The following PSMD6 variants were observed in gnomAD, a reference collection of about 807,000 sequenced individuals.
The protein encoded by PSMD6 is 26S proteasome non-ATPase regulatory subunit 6.
A neutral mutation model predicts 44.9 loss-of-function variants in PSMD6; 7 were observed. That is an observed-to-expected ratio of 0.16 (90% CI 0.09 to 0.29). PSMD6 has a LOEUF of 0.29. Ranked by LOEUF, PSMD6 falls within the 10% of genes least tolerant of loss-of-function variation. The pLI, the probability that PSMD6 is intolerant of heterozygous loss-of-function variation, is 1.00. For missense variants in PSMD6, 420 were observed against 482.6 expected, an observed-to-expected ratio of 0.87 and a Z score of 1.21; for synonymous variants, 184 against 172.7, an observed-to-expected ratio of 1.07 and a Z score of -0.51.
chr3:64,013,628 A>AATT, intron 5 of PSMD6, 21 bp from the exon 6 acceptor site: 2 of 1,594,370 alleles, frequency 1.3e-6, no homozygotes, highest in African/African-American at 2.7e-5. Context: ...TAAAATGACA[A>AATT]ATTATAATAG....
chr3:64,020,109 G>C (rs914397738), intron 2 of PSMD6, among the ~76,000 whole-genome samples: 11 of 152,140 alleles, frequency 7.2e-5, no homozygotes, highest in Non-Finnish European at 1.3e-4. Context: ...ACGTTTATTA[G>C]AGTGAAAATA....
Position 64,022,766 on chromosome 3 carries a change from C to T in PSMD6, c.146-243G>A, listed in dbSNP as rs571038568. On this transcript the variant is annotated intron_variant, in intron 1 of 7. Coordinates refer to ENST00000295901, the MANE Select transcript of PSMD6 (RefSeq NM_014814.3). ...CTACTAGGGCTGGAGGGAGGGCAAT[C>T]CTCGGTTTGCTCTTGCCGGATTCTG... 2.4e-5 allele frequency: 37 copies of T among 1,536,336 alleles called. No homozygotes were observed. The South Asian group carries it at 3.9e-4, about 16-fold the overall frequency.
At chr3:64,014,784 G>A (rs1442079402) in intron 5 of PSMD6, 1 of 152,240 alleles carries the variant, frequency 6.6e-6, no homozygotes, top group East Asian at 1.9e-4. Flanking sequence ...ACACTAAGGA[G>A]GCATTGAGGC....
Position 64,023,426 on chromosome 3 carries a change from G to T in PSMD6, c.-7C>A, listed in dbSNP as rs35836. On this transcript the variant is annotated 5_prime_UTR_variant, in exon 1 of 8. Coordinates refer to ENST00000295901, the MANE Select transcript of PSMD6 (RefSeq NM_014814.3). ...CCAGGTTCTCCAGCGGCATCGCGGC[G>T]AAGGGGACAGCGGCTGACAGGACAC... 0.018 allele frequency: 28,194 copies of T among 1,595,494 alleles called. 1,132 individuals are homozygous for T. Among genetic ancestry groups the T allele is most frequent in the African/African-American group, 0.14 (10,078 of 73,864 alleles).
At position 64,019,382 on chromosome 3, in the gene PSMD6, T is replaced by C. The variant is rs758923950; in HGVS notation, c.411A>G (p.Arg137=). The change falls in exon 3 of 8, where the codon CGA becomes CGG. Residue 137 remains arginine (R), a synonymous_variant. Transcript: ENST00000295901. The part of the protein sequence containing the change: ...TYDKTVALGH[R]LDIVFYLLRI... ...TAAGGAGATAGAATACAATATCCAA[T>C]CGGTGACCCAGGGCCACAGTTTTGT... The C allele has an allele frequency of 3.0e-5, 48 of 1,610,630 alleles. No homozygotes were observed. Among genetic ancestry groups the C allele is most frequent in the Non-Finnish European group, 4.1e-5 (48 of 1,176,862 alleles).
rs1486214311 is a variant in PSMD6 at position 64,023,439 on chromosome 3, G to T, written c.-20C>A. ...CGGCATCGCGGCGAAGGGGACAGCG[G>T]CTGACAGGACACAACTTGGTTACGA... On this transcript the variant is annotated 5_prime_UTR_variant, in exon 1 of 8. Transcript: ENST00000295901. 2 of 1,584,224 alleles carry T rather than the reference G, an allele frequency of 1.3e-6. No individual in the cohort carries two copies. The highest frequency in any genetic ancestry group is 2.7e-5 in the African/African-American group (2 of 73,368).
intron 2 of PSMD6, among the ~76,000 whole-genome samples, chr3:64,021,577 G>A (rs1291329796): frequency 6.6e-6 from 1 of 152,188 alleles, no homozygotes; most frequent in African/African-American, 2.4e-5. Flanking sequence ...CGGAGGCCGA[G>A]ACAGGTGGAT....
chr3:64,013,423 C>T lies in PSMD6; in HGVS notation c.995+16G>A, dbSNP rs750886479. 33 of 1,537,598 alleles carry T rather than the reference C, an allele frequency of 2.1e-5. No homozygotes were observed. The highest frequency in any genetic ancestry group is 2.9e-5 in the Non-Finnish European group (33 of 1,143,014). On this transcript the variant is annotated intron_variant, in intron 6 of 7. Transcript: ENST00000295901. ...AACTTTAAAACTTCAATTAACATGG[C>T]ATTATTCAAACTTACTGATCAATGA...
At chr3:64,023,062 G>A (rs2076158188) in intron 1 of PSMD6, 3 of 1,428,842 alleles carry the variant, frequency 2.1e-6, no homozygotes, top group Non-Finnish European at 2.7e-6. Context: ...GGGGAAGGCG[G>A]CACAGAGAGA....
rs1438869999 is a variant in PSMD6 at position 64,010,600 on chromosome 3, T to C, written c.*68A>G. 1.4e-5 allele frequency: 16 copies of C among 1,168,572 alleles called. No homozygotes were observed. The highest frequency in any genetic ancestry group is 1.8e-5 in the Non-Finnish European group (15 of 814,904). 72.4% of individuals were successfully genotyped at this position (1,168,572 alleles called of 1,614,324 possible). A position where few individuals can be genotyped will look rare whatever the true frequency, so the allele number is the denominator to read the frequency against. On this transcript the variant is annotated 3_prime_UTR_variant, in exon 8 of 8. Coordinates refer to ENST00000295901, the MANE Select transcript of PSMD6 (RefSeq NM_014814.3). ...ATTTTATACAGCTGACCTGGGCACATTGTGAAGTAAGCTATAAAAATTCCA... is the reference window on the plus strand; with the variant it reads ...ATTTTATACAGCTGACCTGGGCACACTGTGAAGTAAGCTATAAAAATTCCA...
chr3:64,011,096 C>T (rs1373918838), intron 6 of PSMD6, 141 bp from the exon 7 acceptor site: 4 of 650,654 alleles, frequency 6.1e-6, no homozygotes, highest in Non-Finnish European at 5.2e-6. Flanking sequence ...CAGTAGTTGA[C>T]GTTGTCCCTC....
At chr3:64,019,521 C>A in intron 2 of PSMD6, 80 bp from the exon 3 acceptor site, 1 of 1,472,964 alleles carries the variant, frequency 6.8e-7, no homozygotes, top group Middle Eastern at 1.8e-4. Flanking sequence ...GGATTTTCTT[C>A]AAAGGTTGAG....
rs1177180525 is a variant in PSMD6 at position 64,013,547 on chromosome 3, AC to A, written c.886del (p.Val296Ter). 1 of 1,613,536 alleles carries A rather than the reference AC, an allele frequency of 6.2e-7. No individual in the cohort carries two copies. The highest frequency in any genetic ancestry group is 8.5e-7 in the Non-Finnish European group (1 of 1,179,792). ...GTATGCATGAATTCTCATTTCTCTTACATAGTATCGATAATGAGGGGCAAAA... is the reference window on the plus strand; with the variant it reads ...GTATGCATGAATTCTCATTTCTCTTAATAGTATCGATAATGAGGGGCAAAA... ...WLFAPHYRYYVREMRIHAYSQ... is the reference protein window; with the variant it reads ...WLFAPHYRYYXREMRIHAYSQ... On this transcript the variant is annotated frameshift_variant, in exon 6 of 8. Coordinates refer to ENST00000295901, the MANE Select transcript of PSMD6 (RefSeq NM_014814.3). LOFTEE classifies it high-confidence loss of function.
intron 2 of PSMD6, chr3:64,019,668 A>C: frequency 2.3e-6 from 1 of 441,606 alleles, no homozygotes; most frequent in Non-Finnish European, 3.9e-6. Flanking sequence ...GAAATGCCCA[A>C]GCATATACTT....
rs1001849503 is a variant in PSMD6 at position 64,023,467 on chromosome 3, G to T, written c.-48C>A. On this transcript the variant is annotated 5_prime_UTR_variant, in exon 1 of 8. Transcript: ENST00000295901. Reference sequence around the variant, plus strand: ...GACAGGACACAACTTGGTTACGACCGGCTGCGGCAGCGGAAGCGGGAGGAG... The same window carrying T: ...GACAGGACACAACTTGGTTACGACCTGCTGCGGCAGCGGAAGCGGGAGGAG... 2 of 1,509,920 alleles carry T rather than the reference G, an allele frequency of 1.3e-6. No individual in the cohort carries two copies. Among genetic ancestry groups the T allele is most frequent in the Non-Finnish European group, 8.9e-7 (1 of 1,121,566 alleles). The allele number at this position is 1,509,920 out of a possible 1,614,324, so 93.5% of individuals were successfully genotyped here.
In PSMD6 at chr3:64,018,921, A is replaced by G; in HGVS notation, c.614T>C (p.Val205Ala). The G allele has an allele frequency of 6.3e-7, 1 of 1,599,924 alleles. No individual in the cohort carries two copies. Among genetic ancestry groups the G allele is most frequent in the Non-Finnish European group, 8.6e-7 (1 of 1,167,090 alleles). ...GAGTTCATAGGATGTAAATGTTGAA[A>G]CAGTGTCAAGGAAGAGTTCAGCTGC... ...KQAAELFLDTVSTFTSYELMD... is the reference protein window; with the variant it reads ...KQAAELFLDTASTFTSYELMD... The change falls in exon 4 of 8, where the codon GTT becomes GCT. Residue 205 changes from valine to alanine, a missense_variant. By Grantham distance (64) the Val-to-Ala change is moderately conservative. Transcript: ENST00000295901.
At chr3:64,021,624 C>T (rs2076134075) in intron 2 of PSMD6, among the ~76,000 whole-genome samples, 1 of 152,098 alleles carries the variant, frequency 6.6e-6, no homozygotes, top group Admixed American at 6.5e-5. Flanking sequence ...GCCTGGCCAA[C>T]ATGTTGAAAT....
chr3:64,018,781 A>T, intron 4 of PSMD6, 37 bp downstream of exon 4: 1 of 1,532,434 alleles, frequency 6.5e-7, no homozygotes, highest in Non-Finnish European at 9.0e-7. Flanking sequence ...CAAAAAAAAC[A>T]AGTCTTTAAA....
intron 5 of PSMD6, 31 bp from the exon 6 acceptor site, chr3:64,013,638 G>C: frequency 6.4e-7 from 1 of 1,566,814 alleles, no homozygotes; most frequent in South Asian, 1.2e-5. Flanking sequence ...AATTATAATA[G>C]ACTCTCCGTT....
Sources: allele counts gnomAD v4.1 joint callset (sites outside exome capture counted in the v4.1 genomes callset), GRCh38; gene constraint gnomAD v4.1.1; transcripts MANE v1.5; gene names NCBI Gene and HGNC (gene_info 2026-07-23, HGNC 2026-07-21).